LHFPL3: variants seen among roughly 807,000 people sequenced by gnomAD.
LHFPL3 encodes LHFPL tetraspan subfamily member 3 protein.
In LHFPL3, 5 loss-of-function variants were observed where a neutral mutation model predicts 19.3. The ratio of observed to expected loss-of-function variants is 0.26; its 90% CI spans 0.14 to 0.54. LHFPL3 has a LOEUF of 0.54. LHFPL3 is among the 20% of genes least tolerant of loss of function. The pLI is 0.94. For synonymous variants in LHFPL3, 133 were observed against 126.2 expected (o/e 1.05, Z -0.36); for missense variants, 249 against 307.4 (o/e 0.81, Z 1.42).
chr7:104,450,298 G>C (rs76575684), intron 1 of LHFPL3, among the ~76,000 whole-genome samples: 1 of 152,108 alleles, frequency 6.6e-6, no homozygotes, highest in Non-Finnish European at 1.5e-5. Flanking sequence ...ATTGTAAATC[G>C]TGCCCTTTAA....
At chr7:104,656,900 C>T (rs375661008) in intron 1 of LHFPL3, among the ~76,000 whole-genome samples, 12 of 152,214 alleles carry the variant, frequency 7.9e-5, no homozygotes, top group African/African-American at 2.4e-4. Context: ...TAGCACTTTC[C>T]TTTGGAATCC....
At chr7:104,614,137 G>T (rs1791263088) in intron 1 of LHFPL3, among the ~76,000 whole-genome samples, 1 of 152,170 alleles carries the variant, frequency 6.6e-6, no homozygotes, top group Non-Finnish European at 1.5e-5. Flanking sequence ...TCTAAGAAAA[G>T]GGAGGTTAGG....
intron 2 of LHFPL3, chr7:104,803,083 G>A (rs1405011341): frequency 1.3e-5 from 2 of 152,100 alleles, no homozygotes; most frequent in East Asian, 3.9e-4. Context: ...CCAAGTTCAA[G>A]CCATAGCAGT....
At chr7:104,812,539 C>G (rs1271190626) in intron 2 of LHFPL3, among the ~76,000 whole-genome samples, 1 of 151,886 alleles carries the variant, frequency 6.6e-6, no homozygotes, top group Non-Finnish European at 1.5e-5. Flanking sequence ...GTGGCTCATG[C>G]CTGTAATCCC....
Position 104,607,801 on chromosome 7 carries a change from GA to G in LHFPL3, c.446-128867del, listed in dbSNP as rs1011464421. Among the ~76,000 whole-genome samples the G allele has an allele frequency of 2.0e-5, 3 of 151,436 alleles. No individual in the cohort carries two copies. The East Asian group carries it at 5.8e-4, about 29-fold the overall frequency. On this transcript the variant is annotated intron_variant, in intron 1 of 2. Coordinates refer to ENST00000424859, the MANE Select transcript of LHFPL3 (RefSeq NM_199000.3). ...ACAATGAACTCAAACAAATTTACAAGAAAAAAACAACCCCATTAACAAGTGG... is the reference window on the plus strand; with the variant it reads ...ACAATGAACTCAAACAAATTTACAAGAAAAAACAACCCCATTAACAAGTGG...
intron 1 of LHFPL3, among the ~76,000 whole-genome samples, chr7:104,476,437 T>G (rs1422024850): frequency 2.0e-5 from 3 of 149,302 alleles, no homozygotes; most frequent in Non-Finnish European, 4.4e-5. Flanking sequence ...AAATCAATGC[T>G]CTTTAGCTTC....
At position 104,622,498 on chromosome 7, in the gene LHFPL3, C is replaced by T. The variant is rs59752848; in HGVS notation, c.446-114177C>T. ...CATATTTGAAGTGTACAATTCAATG[C>T]TCTTTAATATATTCATAGATTGTAC... is the stretch of plus-strand genomic sequence containing the variant. On this transcript the variant is annotated intron_variant, in intron 1 of 2. Transcript: ENST00000424859. 4.1e-3 allele frequency among the ~76,000 whole-genome samples: 617 copies of T among 152,236 alleles called. 34 individuals carry two copies. In the East Asian group the frequency reaches 0.099, roughly 25 times the overall value.
At chr7:104,550,075 T>G (rs939975658) in intron 1 of LHFPL3, among the ~76,000 whole-genome samples, 2 of 151,992 alleles carry the variant, frequency 1.3e-5, no homozygotes, top group African/African-American at 4.8e-5. Flanking sequence ...TAGAAAAGAG[T>G]CCGTTTTGCA....
intron 1 of LHFPL3, among the ~76,000 whole-genome samples, chr7:104,432,403 C>G (rs1305364296): frequency 1.3e-5 from 2 of 152,250 alleles, no homozygotes; most frequent in East Asian, 3.9e-4. Flanking sequence ...CCTTGACTTC[C>G]CCATAGCACA....
chr7:104,736,777 C>A lies in LHFPL3; in HGVS notation c.548C>A (p.Ala183Asp), dbSNP rs1046530438. The A allele has an allele frequency of 9.9e-6, 16 of 1,613,524 alleles. No individual in the cohort carries two copies. The highest frequency in any genetic ancestry group is 1.2e-5 in the Non-Finnish European group (14 of 1,179,792). ...AAGACAGACAAGTACACTCTTGGGG[C>A]TTGCTCAGTCCGCTGGGCATACATC... Reference protein sequence around the residue: ...GEKTDKYTLGACSVRWAYILA... With the variant: ...GEKTDKYTLGDCSVRWAYILA... The change falls in exon 2 of 3, where the codon GCT (alanine) becomes GAT (aspartate). Residue 183 changes from alanine to aspartate, a missense_variant. Physicochemically the swap from Ala to Asp is moderately radical, Grantham distance 126. Coordinates refer to ENST00000424859, the MANE Select transcript of LHFPL3 (RefSeq NM_199000.3).
At chr7:104,832,004 T>A (rs1379675081) in intron 2 of LHFPL3, among the ~76,000 whole-genome samples, 2 of 152,022 alleles carry the variant, frequency 1.3e-5, no homozygotes, top group South Asian at 2.1e-4. Context: ...ATTTGGTGAC[T>A]AATGATGTGG....
chr7:104,716,186 A>C (rs527982456), intron 1 of LHFPL3, among the ~76,000 whole-genome samples: 20 of 152,224 alleles, frequency 1.3e-4, no homozygotes, highest in African/African-American at 4.6e-4. Flanking sequence ...GTCTCTACTA[A>C]AAATACAAAA....
chr7:104,355,381 C>A, intron 1 of LHFPL3, among the ~76,000 whole-genome samples: 1 of 152,198 alleles, frequency 6.6e-6, no homozygotes, highest in East Asian at 1.9e-4. Flanking sequence ...CTTGGACCAG[C>A]ATGGTTCTCT....
At chr7:104,890,616 T>C (rs949977694) in intron 2 of LHFPL3, among the ~76,000 whole-genome samples, 5 of 152,170 alleles carry the variant, frequency 3.3e-5, no homozygotes, top group Admixed American at 2.0e-4. Context: ...CGGGTGAAGG[T>C]CTCATTGCCC....
At chr7:104,379,027 C>T (rs1790769434) in intron 1 of LHFPL3, among the ~76,000 whole-genome samples, 1 of 152,202 alleles carries the variant, frequency 6.6e-6, no homozygotes, top group East Asian at 1.9e-4. Context: ...TCATCCAATG[C>T]ATTGCTCCCA....
At chr7:104,725,189 T>TA (rs973280381) in intron 1 of LHFPL3, among the ~76,000 whole-genome samples, 4 of 152,174 alleles carry the variant, frequency 2.6e-5, no homozygotes, top group East Asian at 1.9e-4. Context: ...TGTTTTTTTT[T>TA]ATCCCAATTT....
At chr7:104,370,937 T>C (rs191186367) in intron 1 of LHFPL3, among the ~76,000 whole-genome samples, 1 of 152,328 alleles carries the variant, frequency 6.6e-6, no homozygotes, top group Admixed American at 6.5e-5. Flanking sequence ...TCTTAAGCTA[T>C]TAAAGCTAAT....
At chr7:104,905,760 T>C (rs904221465) in intron 2 of LHFPL3, among the ~76,000 whole-genome samples, 5 of 152,208 alleles carry the variant, frequency 3.3e-5, no homozygotes, top group Non-Finnish European at 5.9e-5. Flanking sequence ...AGTGATTAAA[T>C]TGTGGGTCAT....
At chr7:104,497,425 C>A (rs532477491) in intron 1 of LHFPL3, among the ~76,000 whole-genome samples, 1 of 150,866 alleles carries the variant, frequency 6.6e-6, no homozygotes, top group Non-Finnish European at 1.5e-5. Context: ...ACACATATAA[C>A]GTGAGGGGAT....
Sources: gnomAD v4.1 joint callset for allele counts (sites outside exome capture counted in the v4.1 genomes callset) on GRCh38, gnomAD v4.1.1 for gene constraint, MANE v1.5 for transcripts, NCBI Gene and HGNC (gene_info 2026-07-23, HGNC 2026-07-21) for gene names.